RAD51B: variants seen among roughly 807,000 people sequenced by gnomAD.
RAD51B encodes RAD51 paralog B.
A neutral mutation model predicts 42.2 loss-of-function variants in RAD51B; 38 were observed. The observed-to-expected ratio is 0.90, with a 90% CI of 0.70 to 1.18. The LOEUF (loss-of-function observed/expected upper bound fraction) is 1.18. Among genes scored for constraint, RAD51B ranks in the 50% most tolerant of loss-of-function variants. The pLI, the probability that RAD51B is intolerant of heterozygous loss-of-function variation, is 0.00. For missense variants in RAD51B, 373 were observed against 400.7 expected, an observed-to-expected ratio of 0.93 and a Z score of 0.59; for synonymous variants, 154 against 145.2, an observed-to-expected ratio of 1.06 and a Z score of -0.43.
intron 7 of RAD51B, among the ~76,000 whole-genome samples, chr14:68,206,321 G>A (rs1439326422): frequency 2.0e-5 from 3 of 152,118 alleles, no homozygotes; most frequent in African/African-American, 7.2e-5. Flanking sequence ...TGTAGGTACT[G>A]TTTTTCCTTT....
chr14:68,277,736 G>A (rs1471792410), intron 7 of RAD51B, among the ~76,000 whole-genome samples: 1 of 151,976 alleles, frequency 6.6e-6, no homozygotes, highest in Non-Finnish European at 1.5e-5. Flanking sequence ...TATGTTCTGG[G>A]GGTTTTTTTT....
chr14:68,020,521 G>C (rs2075846917), intron 7 of RAD51B, among the ~76,000 whole-genome samples: 1 of 151,978 alleles, frequency 6.6e-6, no homozygotes, highest in Non-Finnish European at 1.5e-5. Flanking sequence ...AGGAAATATA[G>C]AAGACTAAAA....
intron 4 of RAD51B, among the ~76,000 whole-genome samples, chr14:67,841,768 T>C (rs987836239): frequency 3.3e-5 from 5 of 152,220 alleles, no homozygotes; most frequent in East Asian, 1.9e-4. Context: ...TTCTGTTCCA[T>C]TGATCACTAT....
rs115517740 is a variant in RAD51B at position 68,133,047 on chromosome 14, G to A, written c.757-158837G>A. Among the ~76,000 whole-genome samples, 188 of 152,278 alleles carry A rather than the reference G, an allele frequency of 1.2e-3. 1 individual carries two copies. Among genetic ancestry groups the A allele is most frequent in the African/African-American group, 4.4e-3 (182 of 41,562 alleles). On this transcript the variant is annotated intron_variant, in intron 7 of 10. Coordinates refer to ENST00000471583, the MANE Select transcript of RAD51B (RefSeq NM_133510.4). ...TGAGAAAAGCAGTTCACAGAAAAAA[G>A]AGGGATGCTTTTTCCAGAAAAGAAT... is the stretch of plus-strand genomic sequence containing the variant.
chr14:68,313,014 C>G (rs935818122), intron 8 of RAD51B, among the ~76,000 whole-genome samples: 5 of 152,218 alleles, frequency 3.3e-5, no homozygotes, highest in Admixed American at 6.5e-5. Context: ...ATTTCCAGCA[C>G]TGTGCATCAA....
At chr14:68,014,424 G>C (rs142442123) in intron 7 of RAD51B, among the ~76,000 whole-genome samples, 1,775 of 152,082 alleles carry the variant, frequency 0.012, 25 homozygotes, top group Middle Eastern at 0.051. Context: ...GTACATTTGT[G>C]ACACAGTTAC....
At chr14:68,276,613 CT>C (rs1366448857) in intron 7 of RAD51B, among the ~76,000 whole-genome samples, 1 of 152,062 alleles carries the variant, frequency 6.6e-6, no homozygotes, top group East Asian at 1.9e-4. Flanking sequence ...GCCAGGTTTT[CT>C]ATTTCAGAAG....
At chr14:68,289,436 C>T (rs553564702) in intron 7 of RAD51B, among the ~76,000 whole-genome samples, 8 of 152,164 alleles carry the variant, frequency 5.3e-5, no homozygotes, top group Non-Finnish European at 8.8e-5. Context: ...GAGAAATGGC[C>T]GGGCATGGTG....
chr14:67,884,979 G>T (rs1341363270), intron 5 of RAD51B, among the ~76,000 whole-genome samples: 1 of 151,944 alleles, frequency 6.6e-6, no homozygotes, highest in Non-Finnish European at 1.5e-5. Flanking sequence ...CTGTTCTTTT[G>T]TACTTTTGAG....
At chr14:68,140,241 C>G (rs551009747) in intron 7 of RAD51B, among the ~76,000 whole-genome samples, 4 of 152,150 alleles carry the variant, frequency 2.6e-5, no homozygotes, top group Non-Finnish European at 4.4e-5. Context: ...GGAAGAAAAG[C>G]CTTTAGTCTC....
At chr14:68,650,420 G>A (rs1264591669) in intron 10 of RAD51B, among the ~76,000 whole-genome samples, 1 of 152,164 alleles carries the variant, frequency 6.6e-6, no homozygotes, top group East Asian at 1.9e-4. Context: ...TACCTGTGCT[G>A]GGTTTAATCA....
At chr14:68,573,588 C>T (rs1889816845) in intron 10 of RAD51B, among the ~76,000 whole-genome samples, 1 of 152,242 alleles carries the variant, frequency 6.6e-6, no homozygotes, top group Admixed American at 6.5e-5. Flanking sequence ...CACATGAGAG[C>T]TACCTGTGTT....
chr14:67,998,686 C>T (rs775764311), intron 7 of RAD51B, among the ~76,000 whole-genome samples: 3 of 152,310 alleles, frequency 2.0e-5, no homozygotes, highest in African/African-American at 2.4e-5. Flanking sequence ...AGAACCACTA[C>T]TCTGGAGCTA....
At chr14:68,634,881 G>GGA (rs1463187525) in intron 10 of RAD51B, among the ~76,000 whole-genome samples, 2 of 152,176 alleles carry the variant, frequency 1.3e-5, no homozygotes, top group Non-Finnish European at 2.9e-5. Flanking sequence ...AGAGGGTAGA[G>GGA]GAATGCATCC....
chr14:68,127,389 C>A (rs1414933695), intron 7 of RAD51B, among the ~76,000 whole-genome samples: 1 of 152,128 alleles, frequency 6.6e-6, no homozygotes, highest in Non-Finnish European at 1.5e-5. Context: ...TATTAGACTG[C>A]AAATTCCATG....
At chr14:68,487,633 C>T (rs1325677952) in intron 10 of RAD51B, among the ~76,000 whole-genome samples, 3 of 151,980 alleles carry the variant, frequency 2.0e-5, no homozygotes, top group Admixed American at 6.5e-5. Flanking sequence ...CTCAGCCTCC[C>T]GAGTAGCTGG....
At chr14:68,018,787 G>A (rs1209316089) in intron 7 of RAD51B, among the ~76,000 whole-genome samples, 1 of 152,114 alleles carries the variant, frequency 6.6e-6, no homozygotes, top group Admixed American at 6.5e-5. Context: ...TATGTGTCTG[G>A]ATTTTGAGTC....
chr14:67,958,985 A>G (rs757438649), intron 7 of RAD51B, among the ~76,000 whole-genome samples: 22 of 152,080 alleles, frequency 1.4e-4, no homozygotes, highest in Non-Finnish European at 2.5e-4. Flanking sequence ...TTTTTCTATT[A>G]TATTTCAAAG....
Position 68,104,273 on chromosome 14 carries a change from A to C in RAD51B, c.757-187611A>C, listed in dbSNP as rs546403219. Among the ~76,000 whole-genome samples, 35 of 152,316 alleles carry C rather than the reference A, an allele frequency of 2.3e-4. No homozygotes were observed. The South Asian group carries it at 7.0e-3, about 31-fold the overall frequency. Reference sequence around the variant, plus strand: ...CAAATTATTATATAATAGATAATAAAGAATAAAGATTCTGGCTTCTATGGA... The same window carrying C: ...CAAATTATTATATAATAGATAATAACGAATAAAGATTCTGGCTTCTATGGA... On this transcript the variant is annotated intron_variant, in intron 7 of 10. Coordinates refer to ENST00000471583, the MANE Select transcript of RAD51B (RefSeq NM_133510.4).
Sources: gnomAD v4.1 joint callset for allele counts (sites outside exome capture counted in the v4.1 genomes callset) on GRCh38, gnomAD v4.1.1 for gene constraint, MANE v1.5 for transcripts, NCBI Gene and HGNC (gene_info 2026-07-23, HGNC 2026-07-21) for gene names.